Variants in UMAD1 observed in about 807,000 individuals in gnomAD.
UMAD1 encodes the protein UBAP1-MVB12-associated (UMA)-domain containing protein 1.
Under a neutral mutation model 6.1 loss-of-function variants are expected in UMAD1, and 8 were observed. That is an observed-to-expected ratio of 1.30 (90% CI 0.76 to 2.35). The LOEUF (loss-of-function observed/expected upper bound fraction) is 2.35, where lower values mean the gene tolerates loss of function less well. Ranked by LOEUF, UMAD1 falls within the 30% of genes most tolerant of loss-of-function variation. The pLI is 0.00. For synonymous variants in UMAD1, 56 were observed against 31.4 expected (o/e 1.78, Z -2.61); for missense variants, 130 against 78.4 (o/e 1.66, Z -2.49).
chr7:7,865,716 G>C (rs377409960), intron 3 of UMAD1, among the ~76,000 whole-genome samples: 3 of 152,160 alleles, frequency 2.0e-5, no homozygotes, highest in African/African-American at 7.2e-5. Flanking sequence ...CCAAGCATAG[G>C]CTACACCACA....
chr7:7,644,748 C>G (rs964096551), intron 1 of UMAD1, among the ~76,000 whole-genome samples: 1 of 152,110 alleles, frequency 6.6e-6, no homozygotes, highest in Admixed American at 6.5e-5. Flanking sequence ...AATAGTGTAG[C>G]TTATCATAAC....
At chr7:7,694,963 A>G (rs1476269710) in intron 2 of UMAD1, among the ~76,000 whole-genome samples, 1 of 152,148 alleles carries the variant, frequency 6.6e-6, no homozygotes, top group Non-Finnish European at 1.5e-5. Flanking sequence ...GAACCTCCCT[A>G]CTGTTCTCCA....
At chr7:7,769,760 A>G (rs1309781649) in intron 2 of UMAD1, among the ~76,000 whole-genome samples, 3 of 152,212 alleles carry the variant, frequency 2.0e-5, no homozygotes, top group African/African-American at 7.2e-5. Context: ...TATGTTCATT[A>G]TGGTTGGAAC....
chr7:7,867,134 A>G lies in UMAD1; in HGVS notation c.157-10147A>G, dbSNP rs537940794. ...ATTGGAAGAGCATTAAGTTTGAGGT[A>G]AGGTTAAGGTAAGGAAGGGACTAAG... On this transcript the variant is annotated intron_variant, in intron 3 of 3. Transcript: ENST00000682710. Among the ~76,000 whole-genome samples the G allele has an allele frequency of 3.9e-5, 6 of 152,274 alleles. No homozygotes were observed. The South Asian group carries it at 1.2e-3, about 32-fold the overall frequency.
intron 1 of UMAD1, among the ~76,000 whole-genome samples, chr7:7,669,648 C>G (rs761154399): frequency 1.3e-5 from 2 of 152,158 alleles, no homozygotes; most frequent in Non-Finnish European, 2.9e-5. Context: ...TCCCAAGACT[C>G]TTATTGTAAA....
intron 2 of UMAD1, among the ~76,000 whole-genome samples, chr7:7,698,745 A>G (rs543435809): frequency 1.3e-5 from 2 of 152,006 alleles, no homozygotes; most frequent in South Asian, 2.1e-4. Flanking sequence ...TTTAATGACT[A>G]TTTAGTGGTA....
At chr7:7,810,521 G>A (rs1333242576) in intron 3 of UMAD1, among the ~76,000 whole-genome samples, 1 of 151,970 alleles carries the variant, frequency 6.6e-6, no homozygotes, top group Non-Finnish European at 1.5e-5. Context: ...AGTTAAAAAT[G>A]CAATATACAA....
intron 1 of UMAD1, among the ~76,000 whole-genome samples, chr7:7,654,440 C>T (rs984843087): frequency 1.3e-5 from 2 of 152,210 alleles, no homozygotes; most frequent in Admixed American, 1.3e-4. Flanking sequence ...AGTTATCCTT[C>T]GGTATCCCTA....
At chr7:7,649,558 T>C (rs571976405) in intron 1 of UMAD1, among the ~76,000 whole-genome samples, 1 of 152,334 alleles carries the variant, frequency 6.6e-6, no homozygotes, top group African/African-American at 2.4e-5. Context: ...TTGCTTCCTA[T>C]GTGTTCTGTT....
At chr7:7,708,768 AAC>A (rs565339255) in intron 2 of UMAD1, among the ~76,000 whole-genome samples, 1 of 152,320 alleles carries the variant, frequency 6.6e-6, no homozygotes, top group South Asian at 2.1e-4. Flanking sequence ...CCAGCTTTTC[AAC>A]AGATAGAATG....
At chr7:7,715,731 A>G (rs892047868) in intron 2 of UMAD1, among the ~76,000 whole-genome samples, 1 of 152,230 alleles carries the variant, frequency 6.6e-6, no homozygotes, top group Non-Finnish European at 1.5e-5. Flanking sequence ...GTAATCCATG[A>G]ATCAGAGTAT....
At position 7,781,339 on chromosome 7, in the gene UMAD1, C is replaced by A. The variant is rs1782339585; in HGVS notation, c.83-20331C>A. ...TTCCCCTCCCGACCTTATTCTTTTT[C>A]AAAAATAATCTGGTTATTCTTGCTC... On this transcript the variant is annotated intron_variant, in intron 2 of 3. Coordinates refer to ENST00000682710, the MANE Select transcript of UMAD1 (RefSeq NM_001302348.2). 2.6e-5 allele frequency among the ~76,000 whole-genome samples: 4 copies of A among 151,732 alleles called. No homozygotes were observed. The South Asian group carries it at 8.3e-4, about 31-fold the overall frequency.
chr7:7,805,012 AC>A (rs1390109205), intron 3 of UMAD1, among the ~76,000 whole-genome samples: 4 of 148,112 alleles, frequency 2.7e-5, no homozygotes, highest in Admixed American at 6.7e-5. Flanking sequence ...ACAAAACAAA[AC>A]AAAAGTGAAA....
intron 1 of UMAD1, among the ~76,000 whole-genome samples, chr7:7,658,389 A>G (rs1785395876): frequency 1.3e-5 from 2 of 152,228 alleles, no homozygotes; most frequent in South Asian, 4.1e-4. Flanking sequence ...GCCTTGTGCC[A>G]GTTTTCAAAG....
At chr7:7,777,844 A>C (rs1782251328) in intron 2 of UMAD1, among the ~76,000 whole-genome samples, 1 of 152,120 alleles carries the variant, frequency 6.6e-6, no homozygotes, top group Non-Finnish European at 1.5e-5. Context: ...ACCCATGTAC[A>C]CAGGGCTATT....
At chr7:7,728,390 A>G (rs1266321241) in intron 2 of UMAD1, among the ~76,000 whole-genome samples, 1 of 152,202 alleles carries the variant, frequency 6.6e-6, no homozygotes, top group African/African-American at 2.4e-5. Context: ...TCACACCTGT[A>G]ATCCCAGCAC....
chr7:7,730,622 T>C (rs1038871674), intron 2 of UMAD1, among the ~76,000 whole-genome samples: 3 of 152,150 alleles, frequency 2.0e-5, no homozygotes, highest in Non-Finnish European at 4.4e-5. Flanking sequence ...CCCTCTCTGC[T>C]CCTGATCTGA....
At chr7:7,753,303 A>T (rs913494659) in intron 2 of UMAD1, among the ~76,000 whole-genome samples, 1 of 152,182 alleles carries the variant, frequency 6.6e-6, no homozygotes, top group African/African-American at 2.4e-5. Context: ...TAGTTATTTT[A>T]AAATTTACAA....
chr7:7,807,249 C>T (rs760773272), intron 3 of UMAD1, among the ~76,000 whole-genome samples: 1 of 152,086 alleles, frequency 6.6e-6, no homozygotes, highest in Non-Finnish European at 1.5e-5. Context: ...AGGCATCATG[C>T]ATTAGATGAG....
Sources: gnomAD v4.1 joint callset for allele counts (sites outside exome capture counted in the v4.1 genomes callset) on GRCh38, gnomAD v4.1.1 for gene constraint, MANE v1.5 for transcripts, NCBI Gene and HGNC (gene_info 2026-07-23, HGNC 2026-07-21) for gene names.